Variants in LIMK1 observed in about 807,000 individuals in gnomAD.
LIMK1 encodes the protein LIM domain kinase 1, also known as LIM motif-containing protein kinase.
In LIMK1, 21 loss-of-function variants were observed where a neutral mutation model predicts 77.6. The ratio of observed to expected loss-of-function variants is 0.27; its 90% CI spans 0.19 to 0.39. The LOEUF is 0.39. Among genes scored for constraint, LIMK1 ranks in the 10% least tolerant of loss-of-function variants. LIMK1 has a pLI of 1.00. For missense variants in LIMK1, 696 were observed against 901.6 expected, an observed-to-expected ratio of 0.77 and a Z score of 2.92; for synonymous variants, 358 against 370.0, an observed-to-expected ratio of 0.97 and a Z score of 0.37.
At chr7:74,106,571 G>A (rs1799578741) in intron 7 of LIMK1, among the ~76,000 whole-genome samples, 1 of 152,176 alleles carries the variant, frequency 6.6e-6, no homozygotes, top group Non-Finnish European at 1.5e-5. Flanking sequence ...GACCAGCCTG[G>A]CCAACATGGG....
chr7:74,117,100 G>C (rs938919895), intron 13 of LIMK1, among the ~76,000 whole-genome samples: 2 of 152,020 alleles, frequency 1.3e-5, no homozygotes. Flanking sequence ...CCAAGATGGT[G>C]TCGATCTCCT....
At chr7:74,100,896 C>T (rs1272501095) in intron 5 of LIMK1, among the ~76,000 whole-genome samples, 10 of 151,862 alleles carry the variant, frequency 6.6e-5, no homozygotes, top group Non-Finnish European at 1.5e-4. Context: ...CCACCATGCC[C>T]GGCTAATTTT....
At chr7:74,084,462 T>C (rs1799092826) in intron 1 of LIMK1, among the ~76,000 whole-genome samples, 1 of 152,196 alleles carries the variant, frequency 6.6e-6, no homozygotes, top group Non-Finnish European at 1.5e-5. Flanking sequence ...TGCCCGGCTC[T>C]GTGACCTTGA....
intron 7 of LIMK1, 141 bp from the exon 8 acceptor site, chr7:74,106,869 C>T (rs1799584629): frequency 2.4e-6 from 2 of 824,852 alleles, no homozygotes; most frequent in South Asian, 1.9e-5. Flanking sequence ...TTGGACTGTC[C>T]CAGGCGGGCC....
intron 3 of LIMK1, 144 bp from the exon 4 acceptor site, chr7:74,096,936 G>C: frequency 1.9e-6 from 2 of 1,049,280 alleles, no homozygotes; most frequent in Non-Finnish European, 1.4e-6. Flanking sequence ...TATGGAGCCA[G>C]CTCTGTCCAG....
intron 13 of LIMK1, among the ~76,000 whole-genome samples, chr7:74,117,556 A>G (rs1268437020): frequency 6.6e-6 from 1 of 152,032 alleles, no homozygotes; most frequent in Non-Finnish European, 1.5e-5. Flanking sequence ...TGCCCAGATT[A>G]TAGGTTATAA....
intron 13 of LIMK1, among the ~76,000 whole-genome samples, chr7:74,116,670 C>G (rs1554699531): frequency 1.3e-5 from 2 of 151,672 alleles, no homozygotes; most frequent in Non-Finnish European, 2.9e-5. Flanking sequence ...TGCATCCATC[C>G]CCGCATCTCT....
intron 10 of LIMK1, 112 bp from the exon 11 acceptor site, chr7:74,111,536 G>A (rs1799698587): frequency 8.6e-6 from 7 of 815,262 alleles, no homozygotes; most frequent in African/African-American, 1.7e-5. Flanking sequence ...GGGTGTTGGG[G>A]AGCCCAGGGA....
chr7:74,113,674 A>G (rs1448527050), intron 12 of LIMK1, among the ~76,000 whole-genome samples: 2 of 151,720 alleles, frequency 1.3e-5, no homozygotes, highest in African/African-American at 4.8e-5. Flanking sequence ...GAGACCCCCA[A>G]ACTGACCATT....
At chr7:74,098,525 T>A (rs1179255957) in intron 4 of LIMK1, among the ~76,000 whole-genome samples, 1 of 152,140 alleles carries the variant, frequency 6.6e-6, no homozygotes, top group Non-Finnish European at 1.5e-5. Flanking sequence ...GCACAGTTCC[T>A]GCTCCCAGTT....
At chr7:74,086,148 C>G (rs1799134548) in intron 2 of LIMK1, among the ~76,000 whole-genome samples, 1 of 151,424 alleles carries the variant, frequency 6.6e-6, no homozygotes, top group South Asian at 2.1e-4. Context: ...TGGGCTCACG[C>G]AGTTCTCCTG....
chr7:74,114,368 A>G (rs1220749419), intron 12 of LIMK1, among the ~76,000 whole-genome samples: 2 of 151,820 alleles, frequency 1.3e-5, no homozygotes, highest in Non-Finnish European at 2.9e-5. Context: ...TGGCAAAAAA[A>G]TAAAAAAATT....
chr7:74,120,751 A>T, intron 14 of LIMK1, 113 bp downstream of exon 14: 1 of 1,525,628 alleles, frequency 6.6e-7, no homozygotes, highest in Non-Finnish European at 9.1e-7. Context: ...GCCCACAGCA[A>T]GGCATGGGCT....
At chr7:74,097,002 G>T in intron 3 of LIMK1, 78 bp from the exon 4 acceptor site, 1 of 1,212,720 alleles carries the variant, frequency 8.2e-7, no homozygotes, top group Non-Finnish European at 1.2e-6. Context: ...TGACACCCTT[G>T]GAAGAGGCCT....
At chr7:74,089,461 C>T (rs2115624250) in intron 2 of LIMK1, among the ~76,000 whole-genome samples, 1 of 152,008 alleles carries the variant, frequency 6.6e-6, no homozygotes, top group East Asian at 1.9e-4. Context: ...ATGATCACAC[C>T]ACTGCAAGCC....
rs1554700369 is a variant in LIMK1, at chr7:74,120,595, A to T, written c.1580A>T (p.Asp527Val). The T allele has an allele frequency of 6.2e-7, 1 of 1,614,204 alleles. No individual in the cohort carries two copies. The highest frequency in any genetic ancestry group is 1.7e-5 in the Admixed American group (1 of 60,012). Residue 527 changes from aspartate (D) to valine (V), a missense_variant, in exon 14 of 16, where the codon GAT (aspartate) becomes GTT (valine). Transcript: ENST00000336180. ...APEMINGRSYDEKVDVFSFGI... is the reference protein window; with the variant it reads ...APEMINGRSYVEKVDVFSFGI... ...TCTCTTTATCCAGGCCGCAGCTATG[A>T]TGAGAAGGTGGATGTGTTCTCCTTT...
At chr7:74,116,405 T>C (rs1320590944) in intron 13 of LIMK1, among the ~76,000 whole-genome samples, 1 of 151,916 alleles carries the variant, frequency 6.6e-6, no homozygotes, top group African/African-American at 2.4e-5. Flanking sequence ...CGAGCGAAAC[T>C]CCATCTCAAA....
chr7:74,107,738 A>C, intron 8 of LIMK1, 133 bp from the exon 9 acceptor site: 2 of 655,076 alleles, frequency 3.1e-6, no homozygotes, highest in Non-Finnish European at 2.7e-6. Flanking sequence ...GTATTTGGGA[A>C]CATCCCATGC....
intron 12 of LIMK1, among the ~76,000 whole-genome samples, chr7:74,113,033 GA>G (rs1799735475): frequency 6.6e-6 from 1 of 151,416 alleles, no homozygotes; most frequent in Non-Finnish European, 1.5e-5. Context: ...CAAAACAACA[GA>G]AATGTGCTGG....
Sources: allele counts gnomAD v4.1 joint callset (sites outside exome capture counted in the v4.1 genomes callset), GRCh38; gene constraint gnomAD v4.1.1; transcripts MANE v1.5; gene names NCBI Gene and HGNC (gene_info 2026-07-23, HGNC 2026-07-21).